Variants in BRAF observed in about 807,000 individuals in gnomAD.
The protein encoded by BRAF is B-Raf proto-oncogene, serine/threonine kinase, also known as serine/threonine-protein kinase B-raf.
Under a neutral mutation model 104.6 loss-of-function variants are expected in BRAF, and 16 were observed. The ratio of observed to expected loss-of-function variants is 0.15; its 90% CI spans 0.10 to 0.23. The LOEUF is 0.23. Ranked by LOEUF, BRAF falls within the 10% of genes least tolerant of loss-of-function variation. BRAF has a pLI of 1.00. For synonymous variants in BRAF, 310 were observed against 341.6 expected, an observed-to-expected ratio of 0.91 and a Z score of 1.02; for missense variants, 541 against 937.3, an observed-to-expected ratio of 0.58 and a Z score of 5.52.
intron 14 of BRAF, among the ~76,000 whole-genome samples, chr7:140,775,374 T>C (rs911735515): frequency 2.6e-5 from 4 of 151,182 alleles, no homozygotes; most frequent in Non-Finnish European, 5.9e-5. Flanking sequence ...TGAGACGGAA[T>C]TTTGCTCTTG....
chr7:140,785,999 T>A (rs926086535), intron 9 of BRAF, among the ~76,000 whole-genome samples: 1 of 152,218 alleles, frequency 6.6e-6, no homozygotes, highest in African/African-American at 2.4e-5. Context: ...GGACAAGAAA[T>A]GCCACTTGCT....
intron 2 of BRAF, among the ~76,000 whole-genome samples, chr7:140,841,170 C>CA (rs755600401): frequency 1.2e-4 from 18 of 152,134 alleles, no homozygotes; most frequent in Non-Finnish European, 2.5e-4. Context: ...AACTGCAAAT[C>CA]AAAACCAAAT....
chr7:140,854,322 C>T (rs1453779899), intron 1 of BRAF, among the ~76,000 whole-genome samples: 2 of 152,054 alleles, frequency 1.3e-5, no homozygotes, highest in African/African-American at 4.8e-5. Flanking sequence ...GAAACATTTT[C>T]TTTTTTTGTC....
In BRAF at chr7:140,912,473, C is replaced by T. The variant is rs1817093630; in HGVS notation, c.138+12093G>A. 3.9e-5 allele frequency among the ~76,000 whole-genome samples: 6 copies of T among 152,326 alleles called. No individual in the cohort carries two copies. The South Asian group carries it at 1.2e-3, about 32-fold the overall frequency. On this transcript the variant is annotated intron_variant, in intron 1 of 19. Coordinates refer to ENST00000644969, the MANE Select transcript of BRAF (RefSeq NM_001374258.1). ...CCTTTCCCTCTTACCTCTTCTAAGA[C>T]AGTGCTTCAGCAATTCTTCTCTCTC... is the stretch of plus-strand genomic sequence containing the variant.
At chr7:140,842,975 G>A (rs1808136229) in intron 2 of BRAF, among the ~76,000 whole-genome samples, 2 of 152,184 alleles carry the variant, frequency 1.3e-5, no homozygotes, top group Middle Eastern at 3.2e-3. Flanking sequence ...GCAAGAATAA[G>A]TAGTTGAAGA....
chr7:140,868,232 T>G (rs1222922479), intron 1 of BRAF, among the ~76,000 whole-genome samples: 2 of 152,120 alleles, frequency 1.3e-5, no homozygotes, highest in Non-Finnish European at 2.9e-5. Context: ...ATTAATACGT[T>G]CTGTTAGGGA....
At chr7:140,779,670 C>T (rs1800664960) in intron 12 of BRAF, 1 of 152,208 alleles carries the variant, frequency 6.6e-6, no homozygotes, top group African/African-American at 2.4e-5. Flanking sequence ...TGCTGCCTCA[C>T]ACCTGTAATC....
rs201699442 is a variant in BRAF, at chr7:140,764,935, C to T, written c.1815-10702G>A. Among the ~76,000 whole-genome samples the T allele has an allele frequency of 1.4e-3, 219 of 152,136 alleles. 5 individuals are homozygous for T. The highest frequency in any genetic ancestry group is 1.2e-3 in the South Asian group (6 of 4,822). ...GCTACCAATGACTTTCTTCACAGAA[C>T]TGGAAAAAACTACTTTAAAGTTCAT... is the stretch of plus-strand genomic sequence containing the variant. On this transcript the variant is annotated intron_variant, in intron 14 of 19. Coordinates refer to ENST00000644969, the MANE Select transcript of BRAF (RefSeq NM_001374258.1).
intron 9 of BRAF, among the ~76,000 whole-genome samples, chr7:140,786,440 C>A (rs957254764): frequency 2.0e-5 from 3 of 152,158 alleles, no homozygotes; most frequent in African/African-American, 7.2e-5. Context: ...AGGCAGAAGA[C>A]AACAGGGAAG....
intron 3 of BRAF, among the ~76,000 whole-genome samples, chr7:140,815,193 A>G (rs1265352215): frequency 6.7e-6 from 1 of 149,172 alleles, no homozygotes; most frequent in Non-Finnish European, 1.5e-5. Context: ...GCTGCAGTGC[A>G]GTGGCGTGAT....
intron 12 of BRAF, chr7:140,781,325 A>C (rs1048512937): frequency 2.0e-6 from 1 of 497,052 alleles, no homozygotes; most frequent in Admixed American, 3.3e-5. Context: ...CCTTTTGAGG[A>C]CTAGTTAACC....
intron 19 of BRAF, chr7:140,726,598 A>C: frequency 8.3e-7 from 1 of 1,198,056 alleles, no homozygotes; most frequent in Non-Finnish European, 1.2e-6. Flanking sequence ...TTTGAGCTTC[A>C]CTGAAAAGTA....
chr7:140,817,338 A>G (rs1804986873), intron 3 of BRAF, among the ~76,000 whole-genome samples: 1 of 152,218 alleles, frequency 6.6e-6, no homozygotes, highest in African/African-American at 2.4e-5. Context: ...GGCCATGTTC[A>G]TGGACTGGAA....
At chr7:140,906,105 A>AAAAAAAAAAAAAG (rs1563029463) in intron 1 of BRAF, among the ~76,000 whole-genome samples, 1 of 150,270 alleles carries the variant, frequency 6.7e-6, no homozygotes, top group African/African-American at 2.5e-5. Flanking sequence ...AAAAAAAAAA[A>AAAAAAAAAAAAAG]AAAGAAATTA....
rs1442498347 is a variant in BRAF at position 140,722,824 on chromosome 7, T to C, written c.*3670A>G. ...ACCACAGCTATTTAATTTCATGCAA[T>C]TGACTCAAGGTTAAGATTCTGAAAC... On this transcript the variant is annotated 3_prime_UTR_variant, in exon 20 of 20. Transcript: ENST00000644969. 1.5e-5 allele frequency: 16 copies of C among 1,052,448 alleles called. No homozygotes were observed. The highest frequency in any genetic ancestry group is 5.4e-5 in the East Asian group (1 of 18,534). 65.2% of individuals were successfully genotyped at this position (1,052,448 alleles called of 1,614,324 possible).
At position 140,738,899 on chromosome 7, in the gene BRAF, C is replaced by T. The variant is rs538589017; in HGVS notation, c.2247+913G>A. On this transcript the variant is annotated intron_variant, in intron 18 of 19. Coordinates refer to ENST00000644969, the MANE Select transcript of BRAF (RefSeq NM_001374258.1). The stretch of plus-strand genomic sequence containing the variant: ...CCAAAGTGTTGAGATTTGTAAGCCA[C>T]GACACCTGGCCTTAGTTACAGTTCT... 1.6e-4 allele frequency among the ~76,000 whole-genome samples: 24 copies of T among 151,408 alleles called. No homozygotes were observed. In the South Asian group the frequency reaches 3.7e-3, roughly 24 times the overall value.
Position 140,719,558 on chromosome 7 carries a change from A to G in BRAF, c.*6936T>C, listed in dbSNP as rs1040789863. On this transcript the variant is annotated 3_prime_UTR_variant, in exon 20 of 20. Transcript: ENST00000644969. Reference sequence around the variant, plus strand: ...TACATGAGAAAAACTCCAAAGTACAAATGAAGGGACCTGAGCAGGAAAGAG... The same window carrying G: ...TACATGAGAAAAACTCCAAAGTACAGATGAAGGGACCTGAGCAGGAAAGAG... 9.5e-7 allele frequency: 1 copy of G among 1,052,180 alleles called. No individual in the cohort carries two copies. The highest frequency in any genetic ancestry group is 1.2e-6 in the Non-Finnish European group (1 of 868,898). 65.2% of individuals were successfully genotyped at this position (1,052,180 alleles called of 1,614,324 possible).
At chr7:140,768,984 G>T (rs1021153608) in intron 14 of BRAF, among the ~76,000 whole-genome samples, 14 of 152,078 alleles carry the variant, frequency 9.2e-5, no homozygotes, top group African/African-American at 3.4e-4. Context: ...CCAGCCTCTA[G>T]AACTATGAGA....
Position 140,720,225 on chromosome 7 carries a change from C to T in BRAF, c.*6269G>A. The T allele has an allele frequency of 9.4e-7, 1 of 1,062,740 alleles. No homozygotes were observed. Among genetic ancestry groups the T allele is most frequent in the Non-Finnish European group, 1.1e-6 (1 of 877,756 alleles). The allele number at this position is 1,062,740 out of a possible 1,614,324, so 65.8% of individuals were successfully genotyped here. ...ATGTACAACCAACAAATGAGATTACCACAAATACATATCACTGTGATACAG... is the reference window on the plus strand; with the variant it reads ...ATGTACAACCAACAAATGAGATTACTACAAATACATATCACTGTGATACAG... On this transcript the variant is annotated 3_prime_UTR_variant, in exon 20 of 20. Transcript: ENST00000644969.
Sources: gnomAD v4.1 joint callset for allele counts (sites outside exome capture counted in the v4.1 genomes callset) on GRCh38, gnomAD v4.1.1 for gene constraint, MANE v1.5 for transcripts, NCBI Gene and HGNC (gene_info 2026-07-23, HGNC 2026-07-21) for gene names.